Variants in PRKN observed in about 807,000 individuals in gnomAD.
PRKN encodes the protein E3 ubiquitin-protein ligase parkin.
A neutral mutation model predicts 59.5 loss-of-function variants in PRKN; 56 were observed. The observed-to-expected ratio is 0.94, with a 90% CI of 0.76 to 1.18. PRKN has a LOEUF of 1.18. PRKN is among the 50% of genes most tolerant of loss of function. PRKN has a pLI of 0.00. For synonymous variants in PRKN, 250 were observed against 222.1 expected (o/e 1.13, Z -1.12); for missense variants, 657 against 596.4 (o/e 1.10, Z -1.06).
intron 1 of PRKN, among the ~76,000 whole-genome samples, chr6:162,467,014 A>G (rs899022095): frequency 6.6e-6 from 1 of 152,192 alleles, no homozygotes; most frequent in Non-Finnish European, 1.5e-5. Flanking sequence ...GTTAGGAAAA[A>G]TACACTGAGC....
At position 161,708,198 on chromosome 6, in the gene PRKN, T is replaced by C. The variant is rs552203608; in HGVS notation, c.871+77574A>G. Among the ~76,000 whole-genome samples the C allele has an allele frequency of 1.1e-4, 17 of 152,284 alleles. No homozygotes were observed. In the East Asian group the frequency reaches 2.7e-3, roughly 24 times the overall value. The stretch of plus-strand genomic sequence containing the variant: ...AGAATATGAAATTGTGCATACGGCA[T>C]TGAAACACTATGTTTTTAGAAGCTT... On this transcript the variant is annotated intron_variant, in intron 7 of 11. Transcript: ENST00000366898.
chr6:161,358,888 G>A (rs1466077483), intron 11 of PRKN, among the ~76,000 whole-genome samples: 1 of 136,910 alleles, frequency 7.3e-6, no homozygotes, highest in African/African-American at 2.8e-5. Flanking sequence ...TCTGCCTCCC[G>A]GGTTCACACC....
At chr6:162,221,224 C>T (rs539608061) in intron 3 of PRKN, among the ~76,000 whole-genome samples, 7 of 152,260 alleles carry the variant, frequency 4.6e-5, no homozygotes, top group East Asian at 3.9e-4. Context: ...CTTCCTTGTT[C>T]GCCTCAGTCC....
At chr6:162,710,390 C>CACACAA (rs1778490024) in intron 1 of PRKN, among the ~76,000 whole-genome samples, 1 of 150,282 alleles carries the variant, frequency 6.7e-6, no homozygotes, top group Non-Finnish European at 1.5e-5. Context: ...CACACACACA[C>CACACAA]ACACACACAC....
At chr6:161,366,163 T>C (rs1451535112) in intron 10 of PRKN, among the ~76,000 whole-genome samples, 2 of 152,170 alleles carry the variant, frequency 1.3e-5, no homozygotes, top group East Asian at 1.9e-4. Flanking sequence ...CCCAGAGAGC[T>C]CTCTTGCCTC....
intron 1 of PRKN, among the ~76,000 whole-genome samples, chr6:162,671,033 C>A (rs1209349958): frequency 1.3e-5 from 2 of 152,076 alleles, no homozygotes; most frequent in African/African-American, 4.8e-5. Context: ...TTTGAAGCAA[C>A]AGAAGGAATA....
intron 4 of PRKN, among the ~76,000 whole-genome samples, chr6:162,140,887 G>A (rs1029596337): frequency 1.3e-5 from 2 of 152,184 alleles, no homozygotes; most frequent in African/African-American, 4.8e-5. Flanking sequence ...CCAGCTCTTT[G>A]GGAGGCCGAG....
chr6:162,461,824 TAAA>T (rs72377172), intron 1 of PRKN, among the ~76,000 whole-genome samples: 1 of 139,434 alleles, frequency 7.2e-6, no homozygotes. Flanking sequence ...AGACTTCGTC[TAAA>T]AAAAAAAAAA....
At chr6:162,215,682 T>C (rs576218576) in intron 3 of PRKN, among the ~76,000 whole-genome samples, 24 of 152,268 alleles carry the variant, frequency 1.6e-4, no homozygotes, top group Non-Finnish European at 2.8e-4. Context: ...GTTTATTCTA[T>C]CTAATTGGCT....
intron 7 of PRKN, among the ~76,000 whole-genome samples, chr6:161,752,278 G>C (rs1439557373): frequency 1.3e-5 from 2 of 152,176 alleles, no homozygotes; most frequent in African/African-American, 4.8e-5. Context: ...GCTGAGGCAG[G>C]AGAATTGCTT....
chr6:162,641,715 T>A (rs1054967495), intron 1 of PRKN, among the ~76,000 whole-genome samples: 1 of 152,238 alleles, frequency 6.6e-6, no homozygotes, highest in Non-Finnish European at 1.5e-5. Context: ...ATCCGCCCTC[T>A]GTTAACTCTA....
intron 4 of PRKN, among the ~76,000 whole-genome samples, chr6:162,145,199 C>T (rs535860102): frequency 5.3e-5 from 8 of 152,280 alleles, no homozygotes; most frequent in African/African-American, 1.9e-4. Context: ...GCAATCCCCA[C>T]TTTTCTCAGC....
intron 9 of PRKN, among the ~76,000 whole-genome samples, chr6:161,476,075 T>C (rs1791059084): frequency 6.6e-6 from 1 of 151,546 alleles, no homozygotes; most frequent in African/African-American, 2.4e-5. Context: ...TAGTCCCAGC[T>C]ACTCAGGAGG....
chr6:162,120,132 A>T (rs752493097), intron 4 of PRKN, among the ~76,000 whole-genome samples: 21 of 152,122 alleles, frequency 1.4e-4, no homozygotes, highest in Non-Finnish European at 2.9e-4. Context: ...ATCCTCCCAC[A>T]TCGACGAGTA....
At chr6:162,687,660 A>G (rs1777623037) in intron 1 of PRKN, among the ~76,000 whole-genome samples, 1 of 152,226 alleles carries the variant, frequency 6.6e-6, no homozygotes, top group South Asian at 2.1e-4. Context: ...CATGAAATAC[A>G]AAAATTCCCC....
intron 1 of PRKN, among the ~76,000 whole-genome samples, chr6:162,542,237 G>A (rs1288591709): frequency 1.3e-5 from 2 of 151,980 alleles, no homozygotes; most frequent in Non-Finnish European, 2.9e-5. Context: ...ATTAAATATT[G>A]CAGCAATGAA....
chr6:162,292,013 G>T (rs1033523411), intron 2 of PRKN, among the ~76,000 whole-genome samples: 20 of 149,392 alleles, frequency 1.3e-4, no homozygotes, highest in Non-Finnish European at 2.1e-4. Flanking sequence ...ATCCAGGCTG[G>T]AGTGCAATGG....
At chr6:162,034,291 C>A (rs910860737) in intron 5 of PRKN, among the ~76,000 whole-genome samples, 1 of 151,510 alleles carries the variant, frequency 6.6e-6, no homozygotes, top group African/African-American at 2.4e-5. Flanking sequence ...CTGAAAACAA[C>A]CCTTATGGAA....
intron 1 of PRKN, among the ~76,000 whole-genome samples, chr6:162,495,065 C>T (rs1792996321): frequency 6.6e-6 from 1 of 152,120 alleles, no homozygotes; most frequent in Admixed American, 6.5e-5. Context: ...TTGATATCCA[C>T]ATTAAAAGAC....
Sources: gnomAD v4.1 joint callset for allele counts (sites outside exome capture counted in the v4.1 genomes callset) on GRCh38, gnomAD v4.1.1 for gene constraint, MANE v1.5 for transcripts, NCBI Gene and HGNC (gene_info 2026-07-23, HGNC 2026-07-21) for gene names.